Variants in FAM107B observed in about 807,000 individuals in gnomAD.
The protein encoded by FAM107B is protein FAM107B.
A neutral mutation model predicts 31.5 loss-of-function variants in FAM107B; 21 were observed. The observed-to-expected ratio is 0.67, with a 90% CI of 0.47 to 0.96. The LOEUF is 0.96. FAM107B is among the 40% of genes least tolerant of loss of function. The pLI is 0.00. For synonymous variants in FAM107B, 157 were observed against 141.5 expected (o/e 1.11, Z -0.78); for missense variants, 452 against 377.1 (o/e 1.20, Z -1.64).
At chr10:14,622,086 T>G (rs1248786768) in intron 2 of FAM107B, among the ~76,000 whole-genome samples, 4 of 152,192 alleles carry the variant, frequency 2.6e-5, no homozygotes, top group Non-Finnish European at 4.4e-5. Context: ...TCTTGGCTTC[T>G]CCATCAACAC....
intron 2 of FAM107B, among the ~76,000 whole-genome samples, chr10:14,537,075 C>A (rs138668940): frequency 1.1e-3 from 169 of 152,208 alleles, no homozygotes; most frequent in African/African-American, 3.9e-3. Context: ...CAGAAGCTGG[C>A]CCGAGTGAGG....
chr10:14,621,223 A>C (rs756244691), intron 2 of FAM107B, among the ~76,000 whole-genome samples: 3 of 152,160 alleles, frequency 2.0e-5, no homozygotes, highest in Non-Finnish European at 2.9e-5. Flanking sequence ...GTCCACAGCC[A>C]GTGAGGAGAG....
intron 2 of FAM107B, among the ~76,000 whole-genome samples, chr10:14,661,915 G>A (rs919565947): frequency 1.3e-5 from 2 of 152,176 alleles, no homozygotes; most frequent in Non-Finnish European, 2.9e-5. Context: ...CTCTCTGTCT[G>A]TGGCATTGTG....
chr10:14,727,926 C>T (rs1856073986), intron 1 of FAM107B, among the ~76,000 whole-genome samples: 2 of 152,162 alleles, frequency 1.3e-5, no homozygotes, highest in African/African-American at 4.8e-5. Flanking sequence ...CAACAGCAAA[C>T]TCTTAAATCC....
chr10:14,767,051 T>TAG (rs1833186256), intron 1 of FAM107B, among the ~76,000 whole-genome samples: 17 of 31,816 alleles, frequency 5.3e-4, no homozygotes, highest in South Asian at 1.7e-3. Flanking sequence ...TATATATATA[T>TAG]ATATAGAGAG....
chr10:14,679,777 A>G (rs896679726), intron 1 of FAM107B, among the ~76,000 whole-genome samples: 12 of 152,148 alleles, frequency 7.9e-5, no homozygotes, highest in Non-Finnish European at 1.6e-4. Context: ...GGAAAGGCAG[A>G]CCCACCCTCA....
At chr10:14,537,833 CAAA>C (rs34298402) in intron 2 of FAM107B, among the ~76,000 whole-genome samples, 7 of 85,604 alleles carry the variant, frequency 8.2e-5, no homozygotes, top group Admixed American at 1.3e-4. Context: ...GACTCTGTCT[CAAA>C]AAAAAAAAAA....
At chr10:14,754,482 A>G (rs1415020915) in intron 1 of FAM107B, among the ~76,000 whole-genome samples, 4 of 152,270 alleles carry the variant, frequency 2.6e-5, no homozygotes, top group Non-Finnish European at 4.4e-5. Context: ...CTATGGTTGG[A>G]AAAGGAATGT....
At chr10:14,744,607 G>A (rs1022195834) in intron 1 of FAM107B, among the ~76,000 whole-genome samples, 1 of 152,148 alleles carries the variant, frequency 6.6e-6, no homozygotes, top group Non-Finnish European at 1.5e-5. Context: ...TGATAATCAT[G>A]TGGTTTTTGT....
chr10:14,622,971 G>A (rs967132527), intron 2 of FAM107B, among the ~76,000 whole-genome samples: 11 of 152,154 alleles, frequency 7.2e-5, no homozygotes, highest in African/African-American at 2.7e-4. Flanking sequence ...ACAGGAATGT[G>A]GAGAGAATTG....
intron 1 of FAM107B, among the ~76,000 whole-genome samples, chr10:14,752,408 C>G (rs755170375): frequency 6.6e-6 from 1 of 152,216 alleles, no homozygotes; most frequent in Non-Finnish European, 1.5e-5. Context: ...TCCCATTCTA[C>G]CAGCAAAACA....
At chr10:14,556,069 C>T (rs897694196) in intron 2 of FAM107B, 1 of 152,340 alleles carries the variant, frequency 6.6e-6, no homozygotes, top group Non-Finnish European at 1.5e-5. Flanking sequence ...CACCTCTGAT[C>T]CATAGGAATC....
chr10:14,667,206 T>A (rs1854423976), intron 2 of FAM107B, among the ~76,000 whole-genome samples: 1 of 152,216 alleles, frequency 6.6e-6, no homozygotes, highest in South Asian at 2.1e-4. Context: ...GTGGCATAAA[T>A]CACTTTAGCG....
At chr10:14,732,359 T>G (rs1410315911) in intron 1 of FAM107B, among the ~76,000 whole-genome samples, 4 of 152,094 alleles carry the variant, frequency 2.6e-5, no homozygotes, top group African/African-American at 9.7e-5. Context: ...GGCAGTGCCG[T>G]GTGGTGGGAA....
At chr10:14,741,860 C>A (rs113733335) in intron 1 of FAM107B, among the ~76,000 whole-genome samples, 1 of 151,628 alleles carries the variant, frequency 6.6e-6, no homozygotes, top group Non-Finnish European at 1.5e-5. Context: ...CACCCGCCCC[C>A]ACACCAGGCT....
At chr10:14,582,669 A>G (rs966697259) in intron 2 of FAM107B, among the ~76,000 whole-genome samples, 27 of 151,246 alleles carry the variant, frequency 1.8e-4, no homozygotes, top group East Asian at 3.9e-4. Flanking sequence ...GAGCCACCAC[A>G]CCCAGCCTAC....
intron 1 of FAM107B, among the ~76,000 whole-genome samples, chr10:14,674,456 ATAATG>A (rs1197780412): frequency 6.6e-6 from 1 of 152,172 alleles, no homozygotes; most frequent in Admixed American, 6.5e-5. Context: ...TGCACCCTTT[ATAATG>A]TAAAACCACC....
intron 1 of FAM107B, among the ~76,000 whole-genome samples, chr10:14,704,291 G>GTGTGTT (rs1855472641): frequency 6.6e-6 from 1 of 152,014 alleles, no homozygotes. Context: ...GTGTGTGTGT[G>GTGTGTT]TGTGTGTGTT....
intron 1 of FAM107B, among the ~76,000 whole-genome samples, chr10:14,772,150 C>G (rs760771562): frequency 5.3e-5 from 8 of 151,966 alleles, no homozygotes; most frequent in Non-Finnish European, 1.0e-4. Context: ...GACAGGAGAT[C>G]GAGACCATCC....
Sources: allele counts gnomAD v4.1 joint callset (sites outside exome capture counted in the v4.1 genomes callset), GRCh38; gene constraint gnomAD v4.1.1; transcripts MANE v1.5; gene names NCBI Gene and HGNC (gene_info 2026-07-23, HGNC 2026-07-21).